The following CIP2A variants were observed in gnomAD, a reference collection of about 807,000 sequenced individuals.
The protein encoded by CIP2A is cellular inhibitor of PP2A.
Under a neutral mutation model 110.9 loss-of-function variants are expected in CIP2A, and 103 were observed. The ratio of observed to expected loss-of-function variants is 0.93; its 90% CI spans 0.79 to 1.09. The LOEUF (loss-of-function observed/expected upper bound fraction) is 1.09. CIP2A is among the 50% of genes least tolerant of loss of function. CIP2A has a pLI of 0.00. For synonymous variants in CIP2A, 381 were observed against 361.6 expected, an observed-to-expected ratio of 1.05 and a Z score of -0.61; for missense variants, 1,088 against 1,038.4, an observed-to-expected ratio of 1.05 and a Z score of -0.66.
chr3:108,587,887 T>C (rs1056091369), intron 1 of CIP2A, among the ~76,000 whole-genome samples: 3 of 152,066 alleles, frequency 2.0e-5, no homozygotes, highest in African/African-American at 7.2e-5. Flanking sequence ...GTTCAAGCGA[T>C]TCTCCAGCCT....
At chr3:108,577,736 T>C (rs1206320680) in intron 7 of CIP2A, among the ~76,000 whole-genome samples, 1 of 151,958 alleles carries the variant, frequency 6.6e-6, no homozygotes, top group Non-Finnish European at 1.5e-5. Flanking sequence ...CGTTTTCTAC[T>C]AAAAATACAA....
chr3:108,585,939 A>G (rs1939028601), intron 1 of CIP2A, among the ~76,000 whole-genome samples: 1 of 152,004 alleles, frequency 6.6e-6, no homozygotes, highest in Non-Finnish European at 1.5e-5. Flanking sequence ...AAGAGAGAAG[A>G]GAGGAGGTAA....
At chr3:108,575,861 TAC>T (rs1227862798) in intron 8 of CIP2A, among the ~76,000 whole-genome samples, 2 of 100,008 alleles carry the variant, frequency 2.0e-5, no homozygotes, top group African/African-American at 6.1e-5. Context: ...CATGTGTATA[TAC>T]ACGTATATAT....
chr3:108,583,069 T>C lies in CIP2A; in HGVS notation c.265A>G (p.Thr89Ala). 6.3e-7 allele frequency: 1 copy of C among 1,593,272 alleles called. No individual in the cohort carries two copies. The highest frequency in any genetic ancestry group is 8.6e-7 in the Non-Finnish European group (1 of 1,167,772). ...LLSQLAVDIETRDCLQNTYNL... is the reference protein window; with the variant it reads ...LLSQLAVDIEARDCLQNTYNL... The stretch of plus-strand genomic sequence containing the variant: ...TATGTATTCTGAAGACAATCTCTGG[T>C]TTCAATGTCTACTGCTATAAGTTAA... Residue 89 changes from threonine (T) to alanine (A), a missense_variant, in exon 3 of 21, where the codon ACC becomes GCC. Physicochemically the swap from Thr to Ala is moderately conservative, Grantham distance 58 (BLOSUM62 0). Coordinates refer to ENST00000295746, the MANE Select transcript of CIP2A (RefSeq NM_020890.3).
chr3:108,557,521 T>C (rs1422953160), intron 16 of CIP2A, 107 bp from the exon 17 acceptor site: 3 of 789,334 alleles, frequency 3.8e-6, no homozygotes, highest in Non-Finnish European at 5.6e-6. Context: ...CTGGTATCTG[T>C]TGGGTCATGC....
At chr3:108,551,375 G>T in intron 20 of CIP2A, 56 bp from the exon 21 acceptor site, 15 of 1,296,274 alleles carry the variant, frequency 1.2e-5, no homozygotes, top group East Asian at 4.9e-5. Flanking sequence ...TAACTTTAAT[G>T]TTTTCTCTAT....
At chr3:108,569,645 CA>C (rs1219631495) in intron 8 of CIP2A, 38 bp from the exon 9 acceptor site, 16 of 1,470,616 alleles carry the variant, frequency 1.1e-5, no homozygotes, top group Non-Finnish European at 1.4e-5. Flanking sequence ...ATCAATTTCA[CA>C]GAACTTTAAT....
chr3:108,551,083 C>G lies in CIP2A; in HGVS notation c.*66G>C, dbSNP rs559376627. 141 of 562,906 alleles carry G rather than the reference C, an allele frequency of 2.5e-4. 10 individuals are homozygous for G. The highest frequency in any genetic ancestry group is 3.7e-4 in the Non-Finnish European group (130 of 347,272). 34.9% of individuals were successfully genotyped at this position (562,906 alleles called of 1,614,324 possible). On this transcript the variant is annotated 3_prime_UTR_variant, in exon 21 of 21. Coordinates refer to ENST00000295746, the MANE Select transcript of CIP2A (RefSeq NM_020890.3). ...GTCACAAATTAACTCCCCTACCCAC[C>G]CCCCCTCCAATAGATAAATACATCA... is the stretch of plus-strand genomic sequence containing the variant.
chr3:108,575,278 A>C lies in CIP2A; in HGVS notation c.894+993T>G, dbSNP rs1017454472. Among the ~76,000 whole-genome samples the C allele has an allele frequency of 1.2e-4, 16 of 130,854 alleles. 1 individual carries two copies. Among genetic ancestry groups the C allele is most frequent in the Admixed American group, 7.0e-4 (10 of 14,330 alleles). The allele number at this position is 130,854 out of a possible 152,430, so 85.8% of individuals were successfully genotyped here. Reference sequence around the variant, plus strand: ...TATATGTACATGTGTATATACACACACACGTGTACGTACACACACGTGTAC... The same window carrying C: ...TATATGTACATGTGTATATACACACCCACGTGTACGTACACACACGTGTAC... On this transcript the variant is annotated intron_variant, in intron 8 of 20. Coordinates refer to ENST00000295746, the MANE Select transcript of CIP2A (RefSeq NM_020890.3).
rs764323862 is a variant in CIP2A at position 108,553,703 on chromosome 3, T to C, written c.2352A>G (p.Glu784=). The change falls in exon 19 of 21, where the codon GAA becomes GAG. Residue 784 remains glutamate, a synonymous_variant. Coordinates refer to ENST00000295746, the MANE Select transcript of CIP2A (RefSeq NM_020890.3). ...EKSIAQLIEK[E]EQRKEVQNQL... ...GATTCTGTACTTCTTTTCTCTGTTC[T>C]TCTTTCTCTATTAATTGGGCAATAC... The C allele has an allele frequency of 2.0e-6, 3 of 1,498,612 alleles. No individual in the cohort carries two copies. The highest frequency in any genetic ancestry group is 2.8e-5 in the African/African-American group (2 of 72,482). 92.8% of individuals were successfully genotyped at this position (1,498,612 alleles called of 1,614,324 possible). A position where few individuals can be genotyped will look rare whatever the true frequency, so the allele number is the denominator to read the frequency against.
rs959739871 is a variant in CIP2A, at chr3:108,554,600, G to C, written c.2211-111C>G. ...CTCTTCTAACCAAATTGCATATGCT[G>C]GAAGAGAAGGAATGTTATGAACAAG... On this transcript the variant is annotated intron_variant, in intron 17 of 20. Transcript: ENST00000295746. The C allele has an allele frequency of 5.5e-6, 3 of 548,364 alleles. No homozygotes were observed. In the African/African-American group the frequency reaches 5.9e-5, roughly 11 times the overall value. 34.0% of individuals were successfully genotyped at this position (548,364 alleles called of 1,614,324 possible).
chr3:108,555,222 T>C (rs982442774), intron 17 of CIP2A, among the ~76,000 whole-genome samples: 3 of 152,174 alleles, frequency 2.0e-5, no homozygotes, highest in African/African-American at 7.2e-5. Flanking sequence ...ACCACGTATT[T>C]TTCTTGGACG....
At position 108,552,357 on chromosome 3, in the gene CIP2A, T is replaced by C. The variant is rs1322236695; in HGVS notation, c.2424A>G (p.Thr808=). ...TTTTAATCTTTTCTTCTTGTACTTT[T>C]GTTTTTTGATGCAAATCTTAAAAGA... The part of the protein sequence containing the change: ...EHKLANLHQK[T]KVQEEKIKTL... The change falls in exon 20 of 21, where the codon ACA becomes ACG. Residue 808 remains threonine, a synonymous_variant. Coordinates refer to ENST00000295746, the MANE Select transcript of CIP2A (RefSeq NM_020890.3). 2 of 1,531,114 alleles carry C rather than the reference T, an allele frequency of 1.3e-6. No homozygotes were observed. The highest frequency in any genetic ancestry group is 4.6e-5 in the East Asian group (2 of 43,498). 94.8% of individuals were successfully genotyped at this position (1,531,114 alleles called of 1,614,324 possible).
At chr3:108,557,560 A>T (rs573933703) in intron 16 of CIP2A, 146 bp from the exon 17 acceptor site, 9 of 500,152 alleles carry the variant, frequency 1.8e-5, no homozygotes, top group African/African-American at 1.7e-4. Context: ...TATACTTAGG[A>T]CTTTACTTCT....
intron 12 of CIP2A, among the ~76,000 whole-genome samples, chr3:108,563,988 T>A (rs1255032867): frequency 1.3e-5 from 2 of 152,024 alleles, no homozygotes; most frequent in Admixed American, 6.6e-5. Context: ...ACCTGTATTA[T>A]GAAAAACATC....
At chr3:108,558,620 C>T (rs953288256) in intron 16 of CIP2A, among the ~76,000 whole-genome samples, 12 of 151,964 alleles carry the variant, frequency 7.9e-5, no homozygotes, top group Admixed American at 2.6e-4. Flanking sequence ...AAGAGATAAG[C>T]GTAGGTTTGA....
chr3:108,576,421 TA>T, intron 7 of CIP2A, 75 bp from the exon 8 acceptor site: 1 of 771,824 alleles, frequency 1.3e-6, no homozygotes, highest in South Asian at 2.0e-5. Flanking sequence ...ATCTACAAGA[TA>T]AATATAAAAT....
At chr3:108,553,896 T>TAAAA (rs71103478) in intron 18 of CIP2A, among the ~76,000 whole-genome samples, 166 bp from the exon 19 acceptor site, 33 of 84,176 alleles carry the variant, frequency 3.9e-4, no homozygotes, top group Non-Finnish European at 6.2e-4. Flanking sequence ...ACTAAAAATA[T>TAAAA]AAAAAAAAAA....
Position 108,579,664 on chromosome 3 carries a change from T to G in CIP2A, c.574A>C (p.Thr192Pro). ...CTATGGGCCAACAAGGTGATAAGAG[T>G]TCGATAAAAAGATTTCACATTACTC... ...TLSNVKSFYR[T>P]LITLLAHSSL... Residue 192 changes from threonine to proline, a missense_variant, in exon 6 of 21, where the codon ACT becomes CCT. Thr to Pro is a conservative substitution (Grantham distance 38). Transcript: ENST00000295746. 1.3e-6 allele frequency: 2 copies of G among 1,577,030 alleles called. No homozygotes were observed. Among genetic ancestry groups the G allele is most frequent in the Non-Finnish European group, 8.6e-7 (1 of 1,165,494 alleles).
Sources: gnomAD v4.1 joint callset for allele counts (sites outside exome capture counted in the v4.1 genomes callset) on GRCh38, gnomAD v4.1.1 for gene constraint, MANE v1.5 for transcripts, NCBI Gene and HGNC (gene_info 2026-07-23, HGNC 2026-07-21) for gene names.